ALG6: variants seen among roughly 807,000 people sequenced by gnomAD.
ALG6 encodes ALG6 alpha-1,3-glucosyltransferase.
A neutral mutation model predicts 66.6 loss-of-function variants in ALG6; 46 were observed. That is an observed-to-expected ratio of 0.69 (90% CI 0.55 to 0.88). The LOEUF is 0.88. Among genes scored for constraint, ALG6 ranks in the 40% least tolerant of loss-of-function variants. ALG6 has a pLI of 0.00. For missense variants in ALG6, 505 were observed against 586.8 expected, an observed-to-expected ratio of 0.86 and a Z score of 1.44; for synonymous variants, 185 against 203.7, an observed-to-expected ratio of 0.91 and a Z score of 0.78.
chr1:63,394,659 C>T (rs766385487), intron 2 of ALG6, among the ~76,000 whole-genome samples: 11 of 152,042 alleles, frequency 7.2e-5, no homozygotes, highest in Non-Finnish European at 1.3e-4. Flanking sequence ...TGAGCCACCA[C>T]GCCCGGCCAC....
intron 2 of ALG6, among the ~76,000 whole-genome samples, chr1:63,376,371 A>G (rs1005932180): frequency 6.6e-6 from 1 of 152,204 alleles, no homozygotes; most frequent in African/African-American, 2.4e-5. Context: ...ATTGTGGTAC[A>G]TAGCCGTATT....
Position 63,429,081 on chromosome 1 carries a change from A to G in ALG6, c.1281A>G (p.Lys427=). 1 of 1,604,498 alleles carries G rather than the reference A, an allele frequency of 6.2e-7. No homozygotes were observed. The highest frequency in any genetic ancestry group is 8.5e-7 in the Non-Finnish European group (1 of 1,175,192). Residue 427 remains lysine, a synonymous_variant, in exon 14 of 15, where the codon AAA becomes AAG. Coordinates refer to ENST00000263440, the MANE Select transcript of ALG6 (RefSeq NM_013339.4). ...QLKSFSISVR[K]YLPCFTFLSR... The stretch of plus-strand genomic sequence containing the variant: ...AATCCTTTTCCATTTCTGTGAGGAA[A>G]TATCTTCCATGTTTTACATTTCTTT...
intron 5 of ALG6, among the ~76,000 whole-genome samples, chr1:63,405,341 T>C (rs1318128276): frequency 6.6e-6 from 1 of 152,162 alleles, no homozygotes; most frequent in African/African-American, 2.4e-5. Context: ...ACTCACAACC[T>C]TTAGAGACAG....
At chr1:63,413,863 C>G in intron 9 of ALG6, 198 bp from the exon 10 acceptor site, 1 of 497,314 alleles carries the variant, frequency 2.0e-6, no homozygotes, top group South Asian at 2.2e-5. Flanking sequence ...TGATCAACTG[C>G]CCTGCACAAA....
intron 2 of ALG6, among the ~76,000 whole-genome samples, chr1:63,390,565 C>T (rs1266763047): frequency 6.6e-6 from 1 of 152,128 alleles, no homozygotes; most frequent in African/African-American, 2.4e-5. Flanking sequence ...CAACACAGCA[C>T]CAGGACTTGC....
At chr1:63,371,725 C>G (rs1444584928) in intron 2 of ALG6, among the ~76,000 whole-genome samples, 1 of 152,164 alleles carries the variant, frequency 6.6e-6, no homozygotes, top group Non-Finnish European at 1.5e-5. Context: ...CTACCTCAAC[C>G]TTCCGAGTAG....
At position 63,400,310 on chromosome 1, in the gene ALG6, T is replaced by C. The variant is rs1211124319; in HGVS notation, c.168-1944T>C. Among the ~76,000 whole-genome samples the C allele has an allele frequency of 9.5e-4, 10 of 10,550 alleles. 3 individuals carry two copies. Among genetic ancestry groups the C allele is most frequent in the African/African-American group, 9.1e-3 (10 of 1,102 alleles). The allele number at this position is 10,550 out of a possible 152,430, so 6.9% of individuals were successfully genotyped here. ...ATATATATATACGTATATATATGTA[T>C]ATATATATACGTATATATATATATA... On this transcript the variant is annotated intron_variant, in intron 3 of 14. Coordinates refer to ENST00000263440, the MANE Select transcript of ALG6 (RefSeq NM_013339.4).
intron 3 of ALG6, among the ~76,000 whole-genome samples, chr1:63,400,188 C>A (rs1644440186): frequency 1.3e-5 from 1 of 74,240 alleles, no homozygotes; most frequent in Non-Finnish European, 2.4e-5. Flanking sequence ...GAGCAAAACT[C>A]TGTCTCAAAA....
chr1:63,386,171 G>T (rs532281589), intron 2 of ALG6, among the ~76,000 whole-genome samples: 1 of 152,232 alleles, frequency 6.6e-6, no homozygotes, highest in African/African-American at 2.4e-5. Flanking sequence ...TATCTGTAGG[G>T]TTATGGTGAA....
At chr1:63,373,860 A>G (rs1038839501) in intron 2 of ALG6, among the ~76,000 whole-genome samples, 4 of 151,458 alleles carry the variant, frequency 2.6e-5, no homozygotes, top group African/African-American at 9.7e-5. Flanking sequence ...GGGCTCGAGC[A>G]ATACTCCTGC....
chr1:63,397,193 T>C (rs1490103886), intron 3 of ALG6, among the ~76,000 whole-genome samples: 2 of 145,710 alleles, frequency 1.4e-5, no homozygotes, highest in Non-Finnish European at 3.0e-5. Context: ...TCACTTTTTC[T>C]TTTTTTTTTT....
rs567099098 is a variant in ALG6, at chr1:63,424,820, C to T, written c.1059-3913C>T. ...TTGAGACAGAGCCTCGGTCTGTCAC[C>T]GAGGTTAGAGTACAGTGGTGCAATC... On this transcript the variant is annotated intron_variant, in intron 12 of 14. Coordinates refer to ENST00000263440, the MANE Select transcript of ALG6 (RefSeq NM_013339.4). 2.1e-4 allele frequency among the ~76,000 whole-genome samples: 31 copies of T among 144,372 alleles called. No individual in the cohort carries two copies. In the South Asian group the frequency reaches 5.3e-3, roughly 24 times the overall value. 94.7% of individuals were successfully genotyped at this position (144,372 alleles called of 152,430 possible). A position where few individuals can be genotyped will look rare whatever the true frequency, so the allele number is the denominator to read the frequency against.
chr1:63,418,750 G>T (rs141541719), intron 11 of ALG6, among the ~76,000 whole-genome samples: 5,316 of 152,222 alleles, frequency 0.035, 224 homozygotes, highest in Admixed American at 0.14. Context: ...GAGGGGAATG[G>T]AGAGAAGTGG....
intron 2 of ALG6, among the ~76,000 whole-genome samples, chr1:63,391,232 AGAC>A (rs1648665417): frequency 6.6e-6 from 1 of 152,228 alleles, no homozygotes; most frequent in Admixed American, 6.5e-5. Context: ...GTGTAACAAA[AGAC>A]AGATTAACAA....
intron 12 of ALG6, among the ~76,000 whole-genome samples, chr1:63,421,858 C>A (rs1644575307): frequency 6.7e-6 from 1 of 149,242 alleles, no homozygotes. Flanking sequence ...ACATCACACA[C>A]TGGCCTGTTG....
intron 2 of ALG6, among the ~76,000 whole-genome samples, chr1:63,391,719 A>G (rs1237511350): frequency 6.6e-6 from 1 of 152,222 alleles, no homozygotes; most frequent in Admixed American, 6.5e-5. Flanking sequence ...AAATGTATGT[A>G]TTATTTAGGA....
chr1:63,378,754 G>A (rs1351650458), intron 2 of ALG6, among the ~76,000 whole-genome samples: 1 of 150,824 alleles, frequency 6.6e-6, no homozygotes, highest in Non-Finnish European at 1.5e-5. Context: ...TGTCTTCTGT[G>A]TTTCATAATC....
chr1:63,418,253 G>C (rs1056818492), intron 11 of ALG6, among the ~76,000 whole-genome samples: 1 of 149,468 alleles, frequency 6.7e-6, no homozygotes, highest in Non-Finnish European at 1.5e-5. Context: ...GGGTTTTTCT[G>C]AGTAGCTTTA....
At chr1:63,419,476 T>C (rs1557593865) in intron 12 of ALG6, 36 bp downstream of exon 12, 4 of 1,417,520 alleles carry the variant, frequency 2.8e-6, no homozygotes, top group Non-Finnish European at 4.0e-6. Flanking sequence ...GTTTATTTGT[T>C]TATAATATAA....
Sources: gnomAD v4.1 joint callset for allele counts (sites outside exome capture counted in the v4.1 genomes callset) on GRCh38, gnomAD v4.1.1 for gene constraint, MANE v1.5 for transcripts, NCBI Gene and HGNC (gene_info 2026-07-23, HGNC 2026-07-21) for gene names.